The following PCCA variants were observed in gnomAD, a reference collection of about 807,000 sequenced individuals.
PCCA encodes the protein propionyl-CoA carboxylase alpha chain, mitochondrial.
Under a neutral mutation model 101.3 loss-of-function variants are expected in PCCA, and 74 were observed. That is an observed-to-expected ratio of 0.73 (90% CI 0.61 to 0.89). The LOEUF (loss-of-function observed/expected upper bound fraction) is 0.89, where lower values mean the gene tolerates loss of function less well. Among genes scored for constraint, PCCA ranks in the 40% least tolerant of loss-of-function variants. PCCA has a pLI of 0.00. For missense variants in PCCA, 891 were observed against 907.0 expected (o/e 0.98, Z 0.23); for synonymous variants, 294 against 313.6 (o/e 0.94, Z 0.66).
chr13:100,139,094 T>A (rs1256168672), intron 4 of PCCA, among the ~76,000 whole-genome samples: 1 of 152,174 alleles, frequency 6.6e-6, no homozygotes, highest in African/African-American at 2.4e-5. Context: ...TTGTGGCTTC[T>A]GATGTGAAAT....
chr13:100,152,745 C>G lies in PCCA; in HGVS notation c.301-2234C>G, dbSNP rs1447077909. On this transcript the variant is annotated intron_variant, in intron 4 of 23. Transcript: ENST00000376285. ...ACAGGCATGAGCCACCGCGCCCGGCCTAGTTCTTGGTATGTTTATAAAACG... is the reference window on the plus strand; with the variant it reads ...ACAGGCATGAGCCACCGCGCCCGGCGTAGTTCTTGGTATGTTTATAAAACG... 2.0e-5 allele frequency among the ~76,000 whole-genome samples: 3 copies of G among 152,236 alleles called. No homozygotes were observed. The East Asian group carries it at 5.8e-4, about 29-fold the overall frequency.
At chr13:100,226,962 C>A (rs2060180215) in intron 7 of PCCA, among the ~76,000 whole-genome samples, 1 of 152,174 alleles carries the variant, frequency 6.6e-6, no homozygotes, top group African/African-American at 2.4e-5. Context: ...CAGTCACAGT[C>A]ACAGAAGCAG....
chr13:100,151,699 C>T (rs1349476118), intron 4 of PCCA, among the ~76,000 whole-genome samples: 1 of 151,988 alleles, frequency 6.6e-6, no homozygotes, highest in Non-Finnish European at 1.5e-5. Context: ...TTTCTGAGAA[C>T]GGAGAAGTTT....
chr13:100,161,335 C>T (rs1432805163), intron 6 of PCCA: 1 of 152,168 alleles, frequency 6.6e-6, no homozygotes, highest in Non-Finnish European at 1.5e-5. Flanking sequence ...TTTAATTTAA[C>T]AGTTCCACCC....
At chr13:100,116,013 A>G (rs1422524399) in intron 4 of PCCA, among the ~76,000 whole-genome samples, 5 of 152,210 alleles carry the variant, frequency 3.3e-5, no homozygotes, top group East Asian at 1.9e-4. Flanking sequence ...TTAAACCTCA[A>G]CAGTAGGGTC....
At chr13:100,316,545 C>T (rs1454403674) in intron 16 of PCCA, among the ~76,000 whole-genome samples, 1 of 152,154 alleles carries the variant, frequency 6.6e-6, no homozygotes, top group Non-Finnish European at 1.5e-5. Flanking sequence ...TGTTAACTTT[C>T]TGAATATTAT....
intron 4 of PCCA, among the ~76,000 whole-genome samples, chr13:100,148,400 A>G (rs1174571408): frequency 6.6e-6 from 1 of 151,990 alleles, no homozygotes; most frequent in Non-Finnish European, 1.5e-5. Context: ...CCATATGTAC[A>G]GTCCTCACCC....
chr13:100,512,146 G>T (rs531582573), intron 21 of PCCA, among the ~76,000 whole-genome samples: 1 of 152,302 alleles, frequency 6.6e-6, no homozygotes, highest in East Asian at 1.9e-4. Flanking sequence ...GAAGAGCTGC[G>T]TGTCAGTTTT....
intron 2 of PCCA, among the ~76,000 whole-genome samples, chr13:100,111,098 G>A (rs906139906): frequency 2.0e-5 from 3 of 150,102 alleles, no homozygotes; most frequent in Non-Finnish European, 2.9e-5. Flanking sequence ...TGCAGTCTCC[G>A]CCTCCCGGGT....
chr13:100,092,403 G>A (rs2046362158), intron 1 of PCCA, among the ~76,000 whole-genome samples: 1 of 148,486 alleles, frequency 6.7e-6, no homozygotes, highest in African/African-American at 2.5e-5. Flanking sequence ...TTTTTTTTGA[G>A]ATGGGGTCTG....
intron 17 of PCCA, among the ~76,000 whole-genome samples, chr13:100,336,092 G>A (rs1020285736): frequency 3.9e-5 from 6 of 151,942 alleles, no homozygotes; most frequent in African/African-American, 2.4e-5. Flanking sequence ...GAGAAACCCC[G>A]TCTCTACTAA....
intron 1 of PCCA, 63 bp from the exon 2 acceptor site, chr13:100,102,820 C>A: frequency 9.1e-7 from 1 of 1,097,592 alleles, no homozygotes; most frequent in South Asian, 1.2e-5. Flanking sequence ...AAGAAATATC[C>A]TGAAAAAATG....
chr13:100,090,162 C>G (rs1418628288), intron 1 of PCCA, among the ~76,000 whole-genome samples: 1 of 152,158 alleles, frequency 6.6e-6, no homozygotes, highest in Non-Finnish European at 1.5e-5. Flanking sequence ...TAATTTTAGA[C>G]GTTGAAGACA....
chr13:100,498,779 C>T (rs1254430408), intron 21 of PCCA, among the ~76,000 whole-genome samples: 1 of 152,188 alleles, frequency 6.6e-6, no homozygotes, highest in African/African-American at 2.4e-5. Flanking sequence ...GTTTATTCCA[C>T]TACCAACCAT....
intron 7 of PCCA, among the ~76,000 whole-genome samples, chr13:100,234,031 C>G (rs370084971): frequency 6.6e-6 from 1 of 152,160 alleles, no homozygotes; most frequent in Non-Finnish European, 1.5e-5. Flanking sequence ...GAACTTTTTA[C>G]AATAGCAGTT....
intron 19 of PCCA, among the ~76,000 whole-genome samples, chr13:100,382,566 A>G (rs2076288358): frequency 6.6e-6 from 1 of 152,188 alleles, no homozygotes; most frequent in South Asian, 2.1e-4. Context: ...TCCTGTCTCT[A>G]TCATTGTATC....
chr13:100,282,475 G>A (rs909498485), intron 12 of PCCA, among the ~76,000 whole-genome samples: 6 of 152,222 alleles, frequency 3.9e-5, no homozygotes, highest in South Asian at 2.1e-4. Context: ...CTGGGGCTGC[G>A]CTCGGCACTT....
At position 100,090,882 on chromosome 13, in the gene PCCA, A is replaced by C. The variant is rs112094536; in HGVS notation, c.105+1657A>C. The stretch of plus-strand genomic sequence containing the variant: ...AGTGGCAAACAGGATTTAGAACTCC[A>C]GAACCTGTGCTCTTAATCATACTAT... On this transcript the variant is annotated intron_variant, in intron 1 of 23. Coordinates refer to ENST00000376285, the MANE Select transcript of PCCA (RefSeq NM_000282.4). Among the ~76,000 whole-genome samples, 326 of 152,366 alleles carry C rather than the reference A, an allele frequency of 2.1e-3. 3 individuals carry two copies. Among genetic ancestry groups the C allele is most frequent in the African/African-American group, 7.5e-3 (314 of 41,592 alleles).
At chr13:100,128,070 A>C (rs1477415543) in intron 4 of PCCA, among the ~76,000 whole-genome samples, 1 of 152,182 alleles carries the variant, frequency 6.6e-6, no homozygotes, top group Non-Finnish European at 1.5e-5. Flanking sequence ...TCTATGGTGT[A>C]CTGGAAAAGC....
Sources: allele counts gnomAD v4.1 joint callset (sites outside exome capture counted in the v4.1 genomes callset), GRCh38; gene constraint gnomAD v4.1.1; transcripts MANE v1.5; gene names NCBI Gene and HGNC (gene_info 2026-07-23, HGNC 2026-07-21).